LCLAT1: variants seen among roughly 807,000 people sequenced by gnomAD.
The protein encoded by LCLAT1 is lysocardiolipin acyltransferase 1.
A neutral mutation model predicts 30.7 loss-of-function variants in LCLAT1; 11 were observed. The observed-to-expected ratio is 0.36, with a 90% confidence interval of 0.23 to 0.59. The LOEUF is 0.59. LCLAT1 is among the 20% of genes least tolerant of loss of function. LCLAT1 has a pLI of 0.77. For synonymous variants in LCLAT1, 155 were observed against 151.3 expected (o/e 1.02, Z -0.18); for missense variants, 402 against 458.6 (o/e 0.88, Z 1.13).
At chr2:30,581,854 A>G (rs534249846) in intron 5 of LCLAT1, among the ~76,000 whole-genome samples, 4 of 152,320 alleles carry the variant, frequency 2.6e-5, no homozygotes, top group South Asian at 4.1e-4. Context: ...TGGGGTGACT[A>G]TAATTTACAG....
chr2:30,531,739 C>A (rs1176104565), intron 2 of LCLAT1, among the ~76,000 whole-genome samples: 3 of 152,124 alleles, frequency 2.0e-5, no homozygotes, highest in Admixed American at 1.3e-4. Flanking sequence ...TAGTATATTT[C>A]TTTAGCTAAT....
chr2:30,542,706 G>A (rs545659127), intron 3 of LCLAT1, among the ~76,000 whole-genome samples: 1 of 151,912 alleles, frequency 6.6e-6, no homozygotes, highest in South Asian at 2.1e-4. Context: ...TCATATAAAG[G>A]TCTTTCACAA....
At chr2:30,477,883 T>G (rs1221418847) in intron 1 of LCLAT1, among the ~76,000 whole-genome samples, 1 of 152,168 alleles carries the variant, frequency 6.6e-6, no homozygotes, top group African/African-American at 2.4e-5. Context: ...GAACAACTTT[T>G]TAAGACTTCT....
chr2:30,477,842 A>C (rs373767086), intron 1 of LCLAT1, among the ~76,000 whole-genome samples: 1 of 152,172 alleles, frequency 6.6e-6, no homozygotes, highest in Non-Finnish European at 1.5e-5. Context: ...GAAAAATCCT[A>C]CCTGACTCTG....
chr2:30,578,794 A>G (rs901941916), intron 5 of LCLAT1, among the ~76,000 whole-genome samples: 1 of 152,192 alleles, frequency 6.6e-6, no homozygotes, highest in African/African-American at 2.4e-5. Context: ...TCTGTAATCC[A>G]TAGTGCCTAA....
chr2:30,524,643 C>T (rs778104331), intron 1 of LCLAT1, among the ~76,000 whole-genome samples: 1 of 152,190 alleles, frequency 6.6e-6, no homozygotes, highest in African/African-American at 2.4e-5. Flanking sequence ...TGCATTGATA[C>T]AATATATGCT....
chr2:30,449,497 A>C (rs576543011), intron 1 of LCLAT1, among the ~76,000 whole-genome samples: 3 of 149,490 alleles, frequency 2.0e-5, no homozygotes, highest in Non-Finnish European at 4.5e-5. Flanking sequence ...GTTATGACTA[A>C]TTTCTTTTTT....
intron 2 of LCLAT1, among the ~76,000 whole-genome samples, chr2:30,529,080 A>C (rs1685870799): frequency 6.6e-6 from 1 of 152,164 alleles, no homozygotes; most frequent in Admixed American, 6.5e-5. Flanking sequence ...CTTTTCTTCT[A>C]TCCCTTATTG....
At chr2:30,596,534 G>A (rs1391828240) in intron 5 of LCLAT1, among the ~76,000 whole-genome samples, 1 of 150,980 alleles carries the variant, frequency 6.6e-6, no homozygotes, top group Non-Finnish European at 1.5e-5. Flanking sequence ...TGTTGACTCT[G>A]AGTATTAGAC....
chr2:30,518,848 G>A (rs572257904), intron 1 of LCLAT1, among the ~76,000 whole-genome samples: 1 of 152,288 alleles, frequency 6.6e-6, no homozygotes, highest in Admixed American at 6.5e-5. Flanking sequence ...TACCCCAAGG[G>A]TTCAGGGCTA....
At chr2:30,632,183 T>C (rs1039751907) in intron 5 of LCLAT1, among the ~76,000 whole-genome samples, 3 of 152,224 alleles carry the variant, frequency 2.0e-5, no homozygotes, top group African/African-American at 4.8e-5. Context: ...AAGTATACCA[T>C]TTTTAGTTTT....
intron 1 of LCLAT1, among the ~76,000 whole-genome samples, chr2:30,503,398 T>G (rs1455734349): frequency 6.6e-6 from 1 of 152,190 alleles, no homozygotes; most frequent in African/African-American, 2.4e-5. Context: ...GATTTATATA[T>G]CTAGGACTGG....
chr2:30,520,157 C>A (rs1685405667), intron 1 of LCLAT1, among the ~76,000 whole-genome samples: 1 of 152,174 alleles, frequency 6.6e-6, no homozygotes, highest in South Asian at 2.1e-4. Context: ...TCCTTGGAAT[C>A]CGTGAGGCCA....
At chr2:30,544,027 T>A (rs1664276301) in intron 3 of LCLAT1, among the ~76,000 whole-genome samples, 1 of 152,158 alleles carries the variant, frequency 6.6e-6, no homozygotes, top group Non-Finnish European at 1.5e-5. Flanking sequence ...TTAACACAGG[T>A]GTTTAGAACT....
At position 30,510,874 on chromosome 2, in the gene LCLAT1, C is replaced by G. The variant is rs58401993; in HGVS notation, c.-4-14713C>G. ...TTGCTGTTTTAAACTTTCAGTAGCT[C>G]TTTTATTCTCTGGATATTTCCTTTC... On this transcript the variant is annotated intron_variant, in intron 1 of 5. Transcript: ENST00000379509. Among the ~76,000 whole-genome samples the G allele has an allele frequency of 3.2e-3, 481 of 152,136 alleles. 5 individuals are homozygous for G. In the East Asian group the frequency reaches 0.042, roughly 13 times the overall value.
intron 1 of LCLAT1, among the ~76,000 whole-genome samples, chr2:30,486,831 A>G (rs891723980): frequency 5.3e-5 from 8 of 152,194 alleles, no homozygotes; most frequent in African/African-American, 1.7e-4. Context: ...CTGAATGACT[A>G]TGTAAGAGAA....
chr2:30,540,228 T>C (rs1162634202), intron 3 of LCLAT1, among the ~76,000 whole-genome samples: 1 of 152,230 alleles, frequency 6.6e-6, no homozygotes, highest in African/African-American at 2.4e-5. Context: ...TGTAACAAAA[T>C]ATATACACTG....
intron 1 of LCLAT1, among the ~76,000 whole-genome samples, chr2:30,454,245 T>C (rs572069296): frequency 1.3e-5 from 2 of 152,328 alleles, no homozygotes; most frequent in East Asian, 1.9e-4. Context: ...TCATGTGTTA[T>C]AATGATTGTT....
At chr2:30,516,124 A>G (rs191674818) in intron 1 of LCLAT1, among the ~76,000 whole-genome samples, 2 of 152,350 alleles carry the variant, frequency 1.3e-5, no homozygotes, top group South Asian at 2.1e-4. Flanking sequence ...CAGGAGGTAA[A>G]GAAATAGTCA....
Sources: allele counts gnomAD v4.1 joint callset (sites outside exome capture counted in the v4.1 genomes callset), GRCh38; gene constraint gnomAD v4.1.1; transcripts MANE v1.5; gene names NCBI Gene and HGNC (gene_info 2026-07-23, HGNC 2026-07-21).